OSBPL9: variants seen among roughly 807,000 people sequenced by gnomAD.
OSBPL9 encodes the protein oxysterol binding protein like 9.
In OSBPL9, 40 loss-of-function variants were observed where a neutral mutation model predicts 106.6. That is an observed-to-expected ratio of 0.38 (90% CI 0.29 to 0.49). The LOEUF is 0.49. Among genes scored for constraint, OSBPL9 ranks in the 20% least tolerant of loss-of-function variants. The probability of loss-of-function intolerance (pLI) is 0.97; values close to 1 mark genes in which losing one functional copy is unlikely to be tolerated. For synonymous variants in OSBPL9, 269 were observed against 295.4 expected (o/e 0.91, Z 0.92); for missense variants, 609 against 887.2 (o/e 0.69, Z 3.98).
chr1:51,738,712 G>A (rs1035617143), intron 4 of OSBPL9, among the ~76,000 whole-genome samples: 1 of 151,974 alleles, frequency 6.6e-6, no homozygotes, highest in Non-Finnish European at 1.5e-5. Context: ...TAAAACAGAT[G>A]TTAAATACAA....
chr1:51,665,275 G>T (rs936202745), intron 2 of OSBPL9, among the ~76,000 whole-genome samples: 1 of 152,164 alleles, frequency 6.6e-6, no homozygotes, highest in Non-Finnish European at 1.5e-5. Context: ...CTCCCGAGTA[G>T]CTGGGATTAC....
chr1:51,680,432 A>T (rs550376436), intron 3 of OSBPL9, among the ~76,000 whole-genome samples: 1 of 151,952 alleles, frequency 6.6e-6, no homozygotes, highest in South Asian at 2.1e-4. Flanking sequence ...GGCGGGGTAG[A>T]TCACTTGATC....
At chr1:51,615,262 A>G (rs1644024484), upstream of OSBPL9, among the ~76,000 whole-genome samples, 1 of 152,122 alleles carries the variant, frequency 6.6e-6, no homozygotes, top group Non-Finnish European at 1.5e-5. Flanking sequence ...CAAAAAAACA[A>G]AACAAAACAA....
chr1:51,572,945 C>A (rs896164475), upstream of OSBPL9, among the ~76,000 whole-genome samples: 1 of 151,886 alleles, frequency 6.6e-6, no homozygotes, highest in South Asian at 2.1e-4. Context: ...CGCAGTGGCA[C>A]TCACACCTGT....
chr1:51,745,241 G>T (rs772440788), intron 4 of OSBPL9: 3 of 262,036 alleles, frequency 1.1e-5, no homozygotes, highest in Non-Finnish European at 2.2e-5. Context: ...GTGACTGGGA[G>T]CCAATTACAG....
chr1:51,744,929 G>A (rs1015817596), intron 4 of OSBPL9, among the ~76,000 whole-genome samples: 1 of 152,180 alleles, frequency 6.6e-6, no homozygotes, highest in African/African-American at 2.4e-5. Flanking sequence ...TCTAAGTGTA[G>A]TGTTCATGCC....
intron 1 of OSBPL9, among the ~76,000 whole-genome samples, chr1:51,580,926 A>ACTT (rs1557574533): frequency 7.2e-3 from 2 of 278 alleles, no homozygotes; most frequent in Non-Finnish European, 0.011. Flanking sequence ...ATATATATAT[A>ACTT]TATATATATA....
chr1:51,662,145 A>G (rs1207298249), intron 2 of OSBPL9, among the ~76,000 whole-genome samples: 1 of 152,216 alleles, frequency 6.6e-6, no homozygotes, highest in Admixed American at 6.5e-5. Flanking sequence ...GGAAGGTTAA[A>G]ATAAATTATA....
At chr1:51,599,661 T>C (rs1645318197) in intron 2 of OSBPL9, among the ~76,000 whole-genome samples, 1 of 152,206 alleles carries the variant, frequency 6.6e-6, no homozygotes, top group Admixed American at 6.5e-5. Context: ...ATGTGTAGAC[T>C]TTATTTTCAG....
chr1:51,611,313 A>G (rs1213026820), intron 2 of OSBPL9, among the ~76,000 whole-genome samples: 1 of 151,844 alleles, frequency 6.6e-6, no homozygotes, highest in Admixed American at 6.6e-5. Flanking sequence ...AAATATAAGC[A>G]TGATCTTGTT....
intron 4 of OSBPL9, among the ~76,000 whole-genome samples, chr1:51,732,100 A>G (rs1442581361): frequency 6.6e-6 from 1 of 152,174 alleles, no homozygotes; most frequent in Non-Finnish European, 1.5e-5. Context: ...TGTTGATATT[A>G]AGATTAGTAG....
intron 12 of OSBPL9, among the ~76,000 whole-genome samples, chr1:51,770,215 T>C (rs1673561933): frequency 6.6e-6 from 1 of 151,496 alleles, no homozygotes; most frequent in Admixed American, 6.6e-5. Flanking sequence ...GATGTCGGCT[T>C]ATTGCAACCT....
At chr1:51,692,187 G>A (rs559028218) in intron 3 of OSBPL9, among the ~76,000 whole-genome samples, 52 of 152,224 alleles carry the variant, frequency 3.4e-4, no homozygotes, top group Middle Eastern at 3.4e-3. Context: ...CATGCACCTT[G>A]TATTCTCAGC....
At chr1:51,628,688 T>TC (rs942020216) in intron 1 of OSBPL9, among the ~76,000 whole-genome samples, 2 of 146,502 alleles carry the variant, frequency 1.4e-5, no homozygotes, top group African/African-American at 5.0e-5. Flanking sequence ...TTTTTTCTTT[T>TC]TTTTTTTTTT....
upstream of OSBPL9, among the ~76,000 whole-genome samples, chr1:51,615,289 A>C (rs1001944198): frequency 6.6e-6 from 1 of 151,988 alleles, no homozygotes; most frequent in Non-Finnish European, 1.5e-5. Flanking sequence ...ACAAACAAAA[A>C]AAACAGAAAC....
intron 10 of OSBPL9, among the ~76,000 whole-genome samples, chr1:51,761,255 G>GT (rs57352256): frequency 0.018 from 2,477 of 136,748 alleles, 39 homozygotes; most frequent in African/African-American, 0.041. Context: ...GTTTTGTTTT[G>GT]TTTTTTTTTT....
chr1:51,672,663 A>G (rs1481365139), intron 3 of OSBPL9, among the ~76,000 whole-genome samples: 17 of 152,200 alleles, frequency 1.1e-4, no homozygotes, highest in Admixed American at 1.0e-3. Context: ...TGTTGTATAT[A>G]TTAATAGTTC....
the OSBPL9 span, chr1:51,565,901 A>G: frequency 6.6e-6 from 1 of 152,122 alleles, no homozygotes; most frequent in African/African-American, 2.4e-5. Context: ...CTCCCTTACT[A>G]TATTCAGAAT....
In OSBPL9 at chr1:51,781,733, G is replaced by A. The variant is rs529883091; in HGVS notation, c.1428+398G>A. 26 of 169,350 alleles carry A rather than the reference G, an allele frequency of 1.5e-4. No homozygotes were observed. In the South Asian group the frequency reaches 3.9e-3, roughly 25 times the overall value. The allele number at this position is 169,350 out of a possible 1,614,324, so 10.5% of individuals were successfully genotyped here. A position where few individuals can be genotyped will look rare whatever the true frequency, so the allele number is the denominator to read the frequency against. The stretch of plus-strand genomic sequence containing the variant: ...TGGTGATTCAAGCTTTATTTTGGAG[G>A]TAGAACTGATTGATGGATTGGGGGA... On this transcript the variant is annotated intron_variant, in intron 16 of 23. Transcript: ENST00000428468.
Sources: gnomAD v4.1 joint callset for allele counts (sites outside exome capture counted in the v4.1 genomes callset) on GRCh38, gnomAD v4.1.1 for gene constraint, MANE v1.5 for transcripts, NCBI Gene and HGNC (gene_info 2026-07-23, HGNC 2026-07-21) for gene names.